SUGCT: variants seen among roughly 807,000 people sequenced by gnomAD.
SUGCT encodes the protein succinyl-CoA:glutarate CoA-transferase.
In SUGCT, 41 loss-of-function variants were observed where a neutral mutation model predicts 55.0. The observed-to-expected ratio is 0.74, with a 90% CI of 0.58 to 0.97. The LOEUF (loss-of-function observed/expected upper bound fraction) is 0.97, where lower values mean the gene tolerates loss of function less well. Ranked by LOEUF, SUGCT falls within the 50% of genes least tolerant of loss-of-function variation. SUGCT has a pLI of 0.00. For synonymous variants in SUGCT, 187 were observed against 200.4 expected (o/e 0.93, Z 0.56); for missense variants, 568 against 547.8 (o/e 1.04, Z -0.37).
At chr7:40,765,138 T>C (rs1788718339) in intron 13 of SUGCT, among the ~76,000 whole-genome samples, 1 of 152,188 alleles carries the variant, frequency 6.6e-6, no homozygotes, top group African/African-American at 2.4e-5. Context: ...TCTTCATTTG[T>C]AGTGAATTAC....
intron 7 of SUGCT, among the ~76,000 whole-genome samples, chr7:40,273,567 G>A (rs1274269434): frequency 1.3e-5 from 2 of 152,182 alleles, no homozygotes; most frequent in Non-Finnish European, 2.9e-5. Flanking sequence ...GTCAAGTACT[G>A]TTCTAACATC....
chr7:40,855,277 AAAAAG>A (rs966381745), intron 13 of SUGCT, among the ~76,000 whole-genome samples: 31 of 151,578 alleles, frequency 2.0e-4, no homozygotes, highest in Middle Eastern at 3.4e-3. Context: ...CTCAAAAAAA[AAAAAG>A]AAAAGAAAAG....
intron 8 of SUGCT, among the ~76,000 whole-genome samples, chr7:40,305,083 A>G (rs1365417810): frequency 6.6e-6 from 1 of 152,116 alleles, no homozygotes; most frequent in Non-Finnish European, 1.5e-5. Context: ...TTCACCCTGA[A>G]TACGGGGCCT....
intron 8 of SUGCT, among the ~76,000 whole-genome samples, chr7:40,294,120 G>C (rs946063813): frequency 6.6e-6 from 1 of 151,836 alleles, no homozygotes; most frequent in Non-Finnish European, 1.5e-5. Context: ...ACTATTTTTT[G>C]TATTTTTAGT....
At chr7:40,418,056 A>G (rs191992307) in intron 9 of SUGCT, among the ~76,000 whole-genome samples, 35 of 152,310 alleles carry the variant, frequency 2.3e-4, no homozygotes, top group Non-Finnish European at 4.3e-4. Flanking sequence ...TTTTTTGAAC[A>G]CAGCCCTAAA....
chr7:40,842,149 A>G (rs1026884442), intron 13 of SUGCT, among the ~76,000 whole-genome samples: 1 of 152,114 alleles, frequency 6.6e-6, no homozygotes, highest in African/African-American at 2.4e-5. Flanking sequence ...TTTGTGTACC[A>G]CAACAGACAC....
chr7:40,966,976 G>T, the SUGCT span: 1 of 152,230 alleles, frequency 6.6e-6, no homozygotes, highest in Admixed American at 6.5e-5. Flanking sequence ...AGCTGTGCTT[G>T]TGGGTGCATC....
intron 13 of SUGCT, among the ~76,000 whole-genome samples, chr7:40,806,800 G>A (rs1791118787): frequency 6.6e-6 from 1 of 152,176 alleles, no homozygotes; most frequent in Non-Finnish European, 1.5e-5. Context: ...AATGGGGTCA[G>A]CTGAGGTAGA....
intron 13 of SUGCT, among the ~76,000 whole-genome samples, chr7:40,751,224 TG>T (rs1787995361): frequency 6.6e-6 from 1 of 151,940 alleles, no homozygotes; most frequent in Non-Finnish European, 1.5e-5. Context: ...CCCGAGGTGA[TG>T]AAGTGTGGGG....
intron 9 of SUGCT, among the ~76,000 whole-genome samples, chr7:40,383,952 G>C (rs1467413318): frequency 6.6e-6 from 1 of 152,082 alleles, no homozygotes; most frequent in African/African-American, 2.4e-5. Flanking sequence ...TGCTTGAAAG[G>C]TAGCTTGACT....
chr7:40,229,265 T>G (rs367559195), intron 6 of SUGCT, among the ~76,000 whole-genome samples: 7 of 152,360 alleles, frequency 4.6e-5, no homozygotes, highest in African/African-American at 1.7e-4. Context: ...ACGCCTGTAA[T>G]CCCAGCAGTT....
In SUGCT at chr7:40,565,939, T is replaced by G. The variant is rs370839165; in HGVS notation, c.1089+69553T>G. Among the ~76,000 whole-genome samples the G allele has an allele frequency of 1.2e-4, 18 of 151,692 alleles. No homozygotes were observed. The East Asian group carries it at 3.5e-3, about 29-fold the overall frequency. ...GATCACTCTCTTTCCTTGCTTAATT[T>G]TCTTCGTAGTGATCAACACCTGGCA... On this transcript the variant is annotated intron_variant, in intron 12 of 13. Coordinates refer to ENST00000335693, the MANE Select transcript of SUGCT (RefSeq NM_001193313.2).
chr7:40,383,171 A>G (rs1053759204), intron 9 of SUGCT, among the ~76,000 whole-genome samples: 1 of 152,184 alleles, frequency 6.6e-6, no homozygotes, highest in Non-Finnish European at 1.5e-5. Flanking sequence ...GTTACTGAGC[A>G]AGGGGTATGG....
intron 13 of SUGCT, among the ~76,000 whole-genome samples, chr7:40,769,020 A>G (rs368639922): frequency 1.3e-5 from 2 of 152,186 alleles, no homozygotes; most frequent in Admixed American, 6.5e-5. Flanking sequence ...AGAGGGCAGA[A>G]CTAGGGCTAA....
the SUGCT span, chr7:40,967,245 A>G: frequency 6.6e-6 from 1 of 152,230 alleles, no homozygotes; most frequent in African/African-American, 2.4e-5. Flanking sequence ...ACCAGTATGC[A>G]AAAGGTGCTG....
the SUGCT span, among the ~76,000 whole-genome samples, chr7:40,916,091 A>T: frequency 7.1e-6 from 1 of 140,528 alleles, no homozygotes; most frequent in African/African-American, 2.8e-5. Context: ...ACACACACAC[A>T]CACACACACA....
At position 40,149,547 on chromosome 7, in the gene SUGCT, G is replaced by T. The variant is rs529669021; in HGVS notation, c.100+14427G>T. Among the ~76,000 whole-genome samples the T allele has an allele frequency of 3.0e-4, 46 of 152,288 alleles. 2 individuals are homozygous for T. In the South Asian group the frequency reaches 8.9e-3, roughly 30 times the overall value. ...CTCATGCCCGTAATCCCAGCACTTT[G>T]GGAGGCAAGTGGATCAATTGAGGCC... On this transcript the variant is annotated intron_variant, in intron 1 of 13. Transcript: ENST00000335693.
At chr7:40,953,712 G>A in the SUGCT span, among the ~76,000 whole-genome samples, 2 of 152,220 alleles carry the variant, frequency 1.3e-5, no homozygotes, top group Admixed American at 6.5e-5. Flanking sequence ...TTTGCTGGAG[G>A]TCCACTCCAG....
chr7:40,252,823 A>C (rs1165964255), intron 7 of SUGCT, among the ~76,000 whole-genome samples: 1 of 151,914 alleles, frequency 6.6e-6, no homozygotes. Flanking sequence ...AATGTTTTTC[A>C]GTTTTTATAG....
Sources: allele counts gnomAD v4.1 joint callset (sites outside exome capture counted in the v4.1 genomes callset), GRCh38; gene constraint gnomAD v4.1.1; transcripts MANE v1.5; gene names NCBI Gene and HGNC (gene_info 2026-07-23, HGNC 2026-07-21).